TRIM37: variants seen among roughly 807,000 people sequenced by gnomAD.
TRIM37 encodes tripartite motif containing 37, also known as E3 ubiquitin-protein ligase TRIM37.
Under a neutral mutation model 129.8 loss-of-function variants are expected in TRIM37, and 80 were observed. The ratio of observed to expected loss-of-function variants is 0.62; its 90% CI spans 0.51 to 0.74. TRIM37 has a LOEUF of 0.74. Among genes scored for constraint, TRIM37 ranks in the 30% least tolerant of loss-of-function variants. TRIM37 has a pLI of 0.00. For missense variants in TRIM37, 1,054 were observed against 1,176.5 expected, an observed-to-expected ratio of 0.90 and a Z score of 1.52; for synonymous variants, 389 against 387.1, an observed-to-expected ratio of 1.00 and a Z score of -0.06.
intron 7 of TRIM37, among the ~76,000 whole-genome samples, chr17:59,077,344 C>A (rs1055757358): frequency 6.6e-6 from 1 of 151,570 alleles, no homozygotes; most frequent in Non-Finnish European, 1.5e-5. Flanking sequence ...CCTGCCTCAG[C>A]CTAGAACTTT....
chr17:59,072,694 G>T (rs1263734050), intron 8 of TRIM37, among the ~76,000 whole-genome samples: 2 of 151,172 alleles, frequency 1.3e-5, no homozygotes, highest in African/African-American at 4.9e-5. Flanking sequence ...GTTACAGTGA[G>T]CCAAGATCAC....
Position 59,075,670 on chromosome 17 carries a change from A to G in TRIM37, c.661T>C (p.Leu221=). ...LTQETELLES[L]LQEVEHQLRS... is the part of the protein sequence containing the mutation. ...ACCTGGTGCTCCACCTCCTGAAGTA[A>G]GGATTCCAAAAGCTCTGTTTCTTGG... The change falls in exon 8 of 24, where the codon TTA becomes CTA. Residue 221 remains leucine, a synonymous_variant. Coordinates refer to ENST00000262294, the MANE Select transcript of TRIM37 (RefSeq NM_015294.6). The G allele has an allele frequency of 6.2e-7, 1 of 1,611,038 alleles. No homozygotes were observed. Among genetic ancestry groups the G allele is most frequent in the Non-Finnish European group, 8.5e-7 (1 of 1,178,948 alleles).
intron 13 of TRIM37, among the ~76,000 whole-genome samples, chr17:59,055,831 T>G (rs947101426): frequency 6.6e-6 from 1 of 152,002 alleles, no homozygotes; most frequent in Non-Finnish European, 1.5e-5. Context: ...GGTACTAGGC[T>G]TAGTATCTGG....
At chr17:59,100,180 G>A (rs1260928542) in intron 2 of TRIM37, among the ~76,000 whole-genome samples, 1 of 152,028 alleles carries the variant, frequency 6.6e-6, no homozygotes, top group Non-Finnish European at 1.5e-5. Context: ...CCAGATACAA[G>A]TATTTTAGAA....
the TRIM37 span, among the ~76,000 whole-genome samples, chr17:58,968,019 GTCT>G: frequency 6.6e-6 from 1 of 152,022 alleles, no homozygotes; most frequent in Non-Finnish European, 1.5e-5. Flanking sequence ...GGCCAGGATG[GTCT>G]TGATCTCTTG....
At chr17:58,994,470 C>T (rs1411189464), downstream of TRIM37, among the ~76,000 whole-genome samples, 1 of 152,070 alleles carries the variant, frequency 6.6e-6, no homozygotes, top group Non-Finnish European at 1.5e-5. Context: ...ACCTGTAGTC[C>T]CAGCTACCTG....
intron 23 of TRIM37, 79 bp downstream of exon 23, chr17:59,001,519 A>G: frequency 6.3e-7 from 1 of 1,581,820 alleles, no homozygotes; most frequent in Non-Finnish European, 8.7e-7. Flanking sequence ...AAGTAGAAGT[A>G]GCAGCAGCAG....
intron 2 of TRIM37, among the ~76,000 whole-genome samples, chr17:59,091,546 ATATAT>A (rs1400395827): frequency 2.6e-4 from 3 of 11,540 alleles, no homozygotes; most frequent in Non-Finnish European, 4.5e-4. Flanking sequence ...ATAATGTATA[ATATAT>A]TATACATTAT....
intron 9 of TRIM37, among the ~76,000 whole-genome samples, chr17:59,068,523 A>T (rs1003843114): frequency 6.6e-6 from 1 of 152,354 alleles, no homozygotes; most frequent in South Asian, 2.1e-4. Flanking sequence ...TTCAAAACTG[A>T]AATAGCTGAC....
intron 22 of TRIM37, among the ~76,000 whole-genome samples, chr17:59,006,186 CTAAGA>C (rs1289490537): frequency 2.0e-5 from 3 of 152,176 alleles, no homozygotes; most frequent in African/African-American, 7.2e-5. Context: ...TTATCAAGCA[CTAAGA>C]TCTGGAAGTT....
chr17:59,072,437 A>G (rs1272843094), intron 8 of TRIM37, among the ~76,000 whole-genome samples: 2 of 152,196 alleles, frequency 1.3e-5, no homozygotes, highest in Non-Finnish European at 2.9e-5. Flanking sequence ...CAAAAATAAC[A>G]TATCATATGG....
At chr17:59,053,362 A>C (rs1409210946) in intron 13 of TRIM37, among the ~76,000 whole-genome samples, 4 of 152,244 alleles carry the variant, frequency 2.6e-5, no homozygotes, top group Admixed American at 6.5e-5. Context: ...TCTCATTAAT[A>C]GGATAATGTG....
downstream of TRIM37, among the ~76,000 whole-genome samples, chr17:58,995,570 GATATAA>G (rs774491818): frequency 3.2e-4 from 48 of 152,264 alleles, no homozygotes; most frequent in South Asian, 1.5e-3. Flanking sequence ...TAAAGTAGCT[GATATAA>G]ATAAGTAGCT....
intron 6 of TRIM37, 99 bp from the exon 7 acceptor site, chr17:59,079,976 T>C: frequency 7.2e-7 from 1 of 1,386,404 alleles, no homozygotes; most frequent in Non-Finnish European, 1.0e-6. Flanking sequence ...ATGAAAAAGG[T>C]AGTTAGAGGA....
intron 2 of TRIM37, among the ~76,000 whole-genome samples, chr17:59,102,987 C>A (rs1299484956): frequency 6.6e-6 from 1 of 151,968 alleles, no homozygotes; most frequent in Non-Finnish European, 1.5e-5. Context: ...ATTCTCCTGT[C>A]TCAGCCTCTC....
chr17:59,049,368 G>A lies in TRIM37; in HGVS notation c.1340C>T (p.Thr447Ile). 1 of 1,614,082 alleles carries A rather than the reference G, an allele frequency of 6.2e-7. No individual in the cohort carries two copies. Among genetic ancestry groups the A allele is most frequent in the Non-Finnish European group, 8.5e-7 (1 of 1,180,030 alleles). Residue 447 changes from threonine to isoleucine, a missense_variant, in exon 15 of 24, where the codon ACT becomes ATT. Physicochemically the swap from Thr to Ile is moderately conservative, Grantham distance 89. Coordinates refer to ENST00000262294, the MANE Select transcript of TRIM37 (RefSeq NM_015294.6). ...KERLTIELSRTQKSRDLSPPD... is the reference protein window; with the variant it reads ...KERLTIELSRIQKSRDLSPPD... ...TGGTGACAAATCTCTTGACTTCTGAGTTCGAGACAGCTCAATAGTAAGTCT... is the reference window on the plus strand; with the variant it reads ...TGGTGACAAATCTCTTGACTTCTGAATTCGAGACAGCTCAATAGTAAGTCT...
chr17:59,032,726 G>T (rs150205338), intron 17 of TRIM37, among the ~76,000 whole-genome samples: 2 of 152,014 alleles, frequency 1.3e-5, no homozygotes, highest in African/African-American at 4.8e-5. Context: ...AGGAGAAGGA[G>T]ATTATATCCC....
chr17:59,092,659 G>T (rs2147342923), intron 2 of TRIM37, among the ~76,000 whole-genome samples: 1 of 152,158 alleles, frequency 6.6e-6, no homozygotes, highest in East Asian at 1.9e-4. Context: ...TGATAAATAG[G>T]TTCAGAGGTA....
intron 13 of TRIM37, among the ~76,000 whole-genome samples, chr17:59,055,649 T>G (rs7218103): frequency 0.67 from 97,468 of 144,936 alleles, 32,946 homozygotes; most frequent in African/African-American, 0.78. Context: ...AGTGAGCCGA[T>G]ATGTCGCCTC....
Sources: gnomAD v4.1 joint callset for allele counts (sites outside exome capture counted in the v4.1 genomes callset) on GRCh38, gnomAD v4.1.1 for gene constraint, MANE v1.5 for transcripts, NCBI Gene and HGNC (gene_info 2026-07-23, HGNC 2026-07-21) for gene names.